Variants in STMN2 observed in about 807,000 individuals in gnomAD.
STMN2 encodes stathmin-2.
STMN2 carries 2 observed loss-of-function variants against 24.1 expected under a neutral mutation model. The observed-to-expected ratio is 0.08, with a 90% CI of 0.03 to 0.26. The LOEUF is 0.26. STMN2 is among the 10% of genes least tolerant of loss of function. The pLI is 1.00. For missense variants in STMN2, 114 were observed against 213.6 expected, an observed-to-expected ratio of 0.53 and a Z score of 2.91; for synonymous variants, 83 against 77.5, an observed-to-expected ratio of 1.07 and a Z score of -0.37.
At chr8:79,655,710 C>A (rs185425126) in intron 4 of STMN2, among the ~76,000 whole-genome samples, 1 of 152,236 alleles carries the variant, frequency 6.6e-6, no homozygotes, top group Admixed American at 6.5e-5. Context: ...CTGAAAAATG[C>A]TGTCTTTCAC....
intron 3 of STMN2, among the ~76,000 whole-genome samples, chr8:79,645,707 T>A (rs1810203194): frequency 7.8e-6 from 1 of 127,898 alleles, no homozygotes; most frequent in Non-Finnish European, 2.0e-5. Flanking sequence ...AATAGGATCT[T>A]CTAAATCTCA....
chr8:79,640,782 G>A (rs184593680), intron 2 of STMN2, among the ~76,000 whole-genome samples: 6 of 152,322 alleles, frequency 3.9e-5, no homozygotes, highest in Non-Finnish European at 7.3e-5. Context: ...AGGATGCTTT[G>A]CATTTCAGCA....
intron 3 of STMN2, among the ~76,000 whole-genome samples, chr8:79,651,176 GA>G (rs1001664660): frequency 6.6e-6 from 1 of 152,184 alleles, no homozygotes; most frequent in Non-Finnish European, 1.5e-5. Flanking sequence ...CCACAGAAGT[GA>G]GCAGCCCTGA....
intron 1 of STMN2, among the ~76,000 whole-genome samples, chr8:79,620,678 A>C (rs1368728570): frequency 6.6e-6 from 1 of 152,152 alleles, no homozygotes; most frequent in Non-Finnish European, 1.5e-5. Context: ...GTACATAATG[A>C]TACACTAGTA....
At position 79,665,120 on chromosome 8, in the gene STMN2, ACAAGTATTGCATTATG is replaced by A. The variant is rs1212450611; in HGVS notation, c.*252_*267del. The A allele has an allele frequency of 3.3e-6, 1 of 304,782 alleles. No individual in the cohort carries two copies. Among genetic ancestry groups the A allele is most frequent in the Non-Finnish European group, 6.1e-6 (1 of 165,078 alleles). The allele number at this position is 304,782 out of a possible 1,614,324, so 18.9% of individuals were successfully genotyped here. ...AATACTTACATTTTTGTTAAAAAAT[ACAAGTATTGCATTATG>A]CAAGTTATTTCATAATCTTACATGT... On this transcript the variant is annotated 3_prime_UTR_variant, in exon 5 of 5. Transcript: ENST00000220876.
intron 1 of STMN2, among the ~76,000 whole-genome samples, chr8:79,636,560 C>A (rs999388619): frequency 3.9e-5 from 6 of 152,144 alleles, no homozygotes; most frequent in Non-Finnish European, 5.9e-5. Context: ...TTCTAACTCC[C>A]TTTCTTTCTC....
chr8:79,645,154 CA>C (rs539464553), intron 3 of STMN2, among the ~76,000 whole-genome samples: 134 of 124,508 alleles, frequency 1.1e-3, no homozygotes, highest in East Asian at 2.3e-3. Context: ...GACTCCATCT[CA>C]AAAAAAAAAA....
intron 3 of STMN2, among the ~76,000 whole-genome samples, chr8:79,652,341 A>G (rs1013222670): frequency 2.6e-5 from 4 of 152,032 alleles, no homozygotes; most frequent in Non-Finnish European, 5.9e-5. Context: ...CATGTATTGA[A>G]TTTTCTAAAA....
intron 1 of STMN2, among the ~76,000 whole-genome samples, chr8:79,622,889 T>C (rs1378079587): frequency 6.6e-6 from 1 of 152,068 alleles, no homozygotes; most frequent in Non-Finnish European, 1.5e-5. Context: ...AACCTCTCGT[T>C]CTTTCTTAAC....
chr8:79,636,141 C>T (rs1258849102), intron 1 of STMN2, among the ~76,000 whole-genome samples: 1 of 152,034 alleles, frequency 6.6e-6, no homozygotes, highest in Admixed American at 6.6e-5. Context: ...CACTTGAGCC[C>T]AGGAGGTGGA....
chr8:79,653,683 C>T (rs1810383184), intron 3 of STMN2, among the ~76,000 whole-genome samples: 1 of 152,200 alleles, frequency 6.6e-6, no homozygotes, highest in African/African-American at 2.4e-5. Context: ...CTAATGCTTT[C>T]AATGGTAATC....
At chr8:79,629,278 T>C (rs1237096761) in intron 1 of STMN2, among the ~76,000 whole-genome samples, 4 of 152,132 alleles carry the variant, frequency 2.6e-5, no homozygotes, top group Admixed American at 6.5e-5. Flanking sequence ...ATATTTTATA[T>C]TTTACAAGTA....
chr8:79,629,978 A>G (rs1436464895), intron 1 of STMN2, among the ~76,000 whole-genome samples: 2 of 152,210 alleles, frequency 1.3e-5, no homozygotes, highest in Non-Finnish European at 2.9e-5. Flanking sequence ...CAAACTCTTC[A>G]AGAAATATGC....
chr8:79,652,123 C>T (rs773989701), intron 3 of STMN2, among the ~76,000 whole-genome samples: 7 of 152,292 alleles, frequency 4.6e-5, no homozygotes, highest in East Asian at 3.9e-4. Flanking sequence ...TTTTAAAGCA[C>T]GGCACTTAGA....
rs1403478083 is a variant in STMN2 at position 79,654,978 on chromosome 8, G to A, written c.396G>A (p.Glu132=). The stretch of plus-strand genomic sequence containing the variant: ...ACAACAACTTCAGCAAGATGGCGGA[G>A]GAAAAGCTGATCCTGAAAATGGAAC... ...EENNNFSKMA[E]EKLILKMEQI... is the part of the protein sequence containing the mutation. The change falls in exon 4 of 5, where the codon GAG becomes GAA. Residue 132 remains glutamate, a synonymous_variant. Coordinates refer to ENST00000220876, the MANE Select transcript of STMN2 (RefSeq NM_007029.4). 1 of 1,613,892 alleles carries A rather than the reference G, an allele frequency of 6.2e-7. No homozygotes were observed. The highest frequency in any genetic ancestry group is 1.3e-5 in the African/African-American group (1 of 74,908).
rs1030139919 is a variant in STMN2 at position 79,663,730 on chromosome 8, G to A, written c.481-1085G>A. ...TAGCATCTTAAAATTTCAATTCAATGAACATTTATTTAGCGCCTATGATAT... is the reference window on the plus strand; with the variant it reads ...TAGCATCTTAAAATTTCAATTCAATAAACATTTATTTAGCGCCTATGATAT... On this transcript the variant is annotated intron_variant, in intron 4 of 4. Transcript: ENST00000220876. 62 of 1,269,740 alleles carry A rather than the reference G, an allele frequency of 4.9e-5. 1 individual carries two copies. The highest frequency in any genetic ancestry group is 6.5e-5 in the Non-Finnish European group (61 of 935,248). 78.7% of individuals were successfully genotyped at this position (1,269,740 alleles called of 1,614,324 possible).
rs1806585276 is a variant in STMN2, at chr8:79,665,784, T to C, written c.*910T>C. ...TACAAGTACATGATGCTACTGAATA[T>C]TTTTCCACTTGGAAACTGTGAGCTG... is the stretch of plus-strand genomic sequence containing the variant. On this transcript the variant is annotated 3_prime_UTR_variant, in exon 5 of 5. Coordinates refer to ENST00000220876, the MANE Select transcript of STMN2 (RefSeq NM_007029.4). 6.5e-6 allele frequency: 1 copy of C among 153,032 alleles called. No homozygotes were observed. The highest frequency in any genetic ancestry group is 1.5e-5 in the Non-Finnish European group (1 of 68,212). The allele number at this position is 153,032 out of a possible 1,614,324, so 9.5% of individuals were successfully genotyped here. A position where few individuals can be genotyped will look rare whatever the true frequency, so the allele number is the denominator to read the frequency against.
At chr8:79,663,981 G>A (rs939997123) in intron 4 of STMN2, among the ~76,000 whole-genome samples, 2 of 149,544 alleles carry the variant, frequency 1.3e-5, no homozygotes, top group Non-Finnish European at 3.0e-5. Flanking sequence ...CCTGCAAATG[G>A]AAAAAAAAAT....
chr8:79,663,174 A>G (rs541222869), intron 4 of STMN2, among the ~76,000 whole-genome samples: 44 of 151,700 alleles, frequency 2.9e-4, no homozygotes, highest in African/African-American at 9.7e-4. Flanking sequence ...AGGGTGGTCT[A>G]TGCCTTTTTT....
Sources: allele counts gnomAD v4.1 joint callset (sites outside exome capture counted in the v4.1 genomes callset), GRCh38; gene constraint gnomAD v4.1.1; transcripts MANE v1.5; gene names NCBI Gene and HGNC (gene_info 2026-07-23, HGNC 2026-07-21).